Variants in NFIA observed in about 807,000 individuals in gnomAD.
The protein encoded by NFIA is nuclear factor I A.
Under a neutral mutation model 62.8 loss-of-function variants are expected in NFIA, and 8 were observed. The ratio of observed to expected loss-of-function variants is 0.13; its 90% CI spans 0.07 to 0.23. The LOEUF (loss-of-function observed/expected upper bound fraction) is 0.23, where lower values mean the gene tolerates loss of function less well. NFIA is among the 10% of genes least tolerant of loss of function. The pLI is 1.00. For synonymous variants in NFIA, 235 were observed against 238.1 expected (o/e 0.99, Z 0.12); for missense variants, 410 against 642.1 (o/e 0.64, Z 3.91).
At chr1:61,359,890 C>G (rs1663190241) in intron 6 of NFIA, among the ~76,000 whole-genome samples, 1 of 152,146 alleles carries the variant, frequency 6.6e-6, no homozygotes, top group South Asian at 2.1e-4. Flanking sequence ...CTCGGCCTCC[C>G]AATTGTTTTT....
chr1:61,341,347 G>C (rs530519732), intron 4 of NFIA, among the ~76,000 whole-genome samples: 1 of 151,944 alleles, frequency 6.6e-6, no homozygotes, highest in African/African-American at 2.4e-5. Context: ...CACTGCACCT[G>C]GCCCATGTAC....
Position 61,082,701 on chromosome 1 carries a change from T to C in NFIA, c.-91T>C. 1 of 1,543,652 alleles carries C rather than the reference T, an allele frequency of 6.5e-7. No individual in the cohort carries two copies. The highest frequency in any genetic ancestry group is 2.5e-5 in the East Asian group (1 of 40,342). ...CTCTCTCTCTCTCTCTCTCTCTTCCTCTCTCCCTCTTTCTCCTCTCTCACC... is the reference window on the plus strand; with the variant it reads ...CTCTCTCTCTCTCTCTCTCTCTTCCCCTCTCCCTCTTTCTCCTCTCTCACC... On this transcript the variant is annotated 5_prime_UTR_variant, in exon 1 of 11. Coordinates refer to ENST00000403491, the MANE Select transcript of NFIA (RefSeq NM_001134673.4).
chr1:61,401,806 C>G (rs932797023), intron 7 of NFIA, among the ~76,000 whole-genome samples: 3 of 152,136 alleles, frequency 2.0e-5, no homozygotes, highest in African/African-American at 4.8e-5. Flanking sequence ...AGTGACTATT[C>G]CATCAGACGC....
intron 4 of NFIA, 145 bp from the exon 5 acceptor site, chr1:61,352,305 G>T: frequency 1.7e-6 from 1 of 598,592 alleles, no homozygotes; most frequent in Non-Finnish European, 2.9e-6. Context: ...TATTCCTTTG[G>T]AGTCATAGTT....
chr1:61,152,897 G>A (rs1399583409), intron 2 of NFIA, among the ~76,000 whole-genome samples: 1 of 152,144 alleles, frequency 6.6e-6, no homozygotes. Flanking sequence ...AGAGGGCAGG[G>A]AGTTAAATCA....
chr1:61,414,455 C>T (rs527926536), intron 9 of NFIA, among the ~76,000 whole-genome samples: 1 of 152,252 alleles, frequency 6.6e-6, no homozygotes, highest in Admixed American at 6.5e-5. Context: ...TCCAATTCAC[C>T]TTCAACCTAG....
chr1:61,205,135 G>A (rs1040282399), intron 2 of NFIA, among the ~76,000 whole-genome samples: 4 of 152,146 alleles, frequency 2.6e-5, no homozygotes, highest in Admixed American at 1.3e-4. Flanking sequence ...TACAAATGAG[G>A]AAACTGAAGC....
intron 2 of NFIA, among the ~76,000 whole-genome samples, chr1:61,249,658 A>ACT (rs1347045600): frequency 6.6e-6 from 1 of 152,088 alleles, no homozygotes; most frequent in Admixed American, 6.6e-5. Flanking sequence ...TACAAAAATT[A>ACT]GCTGGGCGCG....
At chr1:61,080,127 A>G (rs1345467721), upstream of NFIA, among the ~76,000 whole-genome samples, 1 of 152,192 alleles carries the variant, frequency 6.6e-6, no homozygotes, top group East Asian at 1.9e-4. Flanking sequence ...TAGAGGGCGC[A>G]AACAATCGTC....
intron 10 of NFIA, among the ~76,000 whole-genome samples, chr1:61,432,286 T>C (rs1667129781): frequency 6.6e-6 from 1 of 151,620 alleles, no homozygotes; most frequent in African/African-American, 2.4e-5. Flanking sequence ...AAGAGACATG[T>C]TCAGTTCTGT....
chr1:61,083,737 C>A (rs1268526405), intron 1 of NFIA, among the ~76,000 whole-genome samples: 2 of 151,344 alleles, frequency 1.3e-5, no homozygotes, highest in Admixed American at 1.3e-4. Context: ...GAGCGGCGGC[C>A]CGGGCCGGAC....
intron 2 of NFIA, among the ~76,000 whole-genome samples, chr1:61,118,270 A>G (rs1340977742): frequency 1.3e-5 from 2 of 152,214 alleles, no homozygotes; most frequent in Non-Finnish European, 2.9e-5. Flanking sequence ...CAGAATCAGC[A>G]TGATCACTTC....
rs377482244 is a variant in NFIA at position 61,263,477 on chromosome 1, C to G, written c.560-14043C>G. Among the ~76,000 whole-genome samples, 7 of 152,314 alleles carry G rather than the reference C, an allele frequency of 4.6e-5. No homozygotes were observed. The East Asian group carries it at 1.3e-3, about 29-fold the overall frequency. On this transcript the variant is annotated intron_variant, in intron 2 of 10. Transcript: ENST00000403491. ...GTGTTTTACACACAGGCGCCCCAGCCTTCCTATAGGCTCTTTCTTGTGAAT... is the reference window on the plus strand; with the variant it reads ...GTGTTTTACACACAGGCGCCCCAGCGTTCCTATAGGCTCTTTCTTGTGAAT...
chr1:61,125,377 C>T (rs886899888), intron 2 of NFIA, among the ~76,000 whole-genome samples: 3 of 152,170 alleles, frequency 2.0e-5, no homozygotes, highest in Non-Finnish European at 2.9e-5. Context: ...TTGCCTTTTC[C>T]ATTTAGACCT....
At chr1:61,334,860 T>G (rs1452895356) in intron 4 of NFIA, among the ~76,000 whole-genome samples, 1 of 151,888 alleles carries the variant, frequency 6.6e-6, no homozygotes, top group African/African-American at 2.4e-5. Context: ...CAGCCTCTCC[T>G]CCTCCTTCCA....
intron 6 of NFIA, among the ~76,000 whole-genome samples, chr1:61,380,392 G>A (rs1664357237): frequency 6.6e-6 from 1 of 152,080 alleles, no homozygotes; most frequent in Admixed American, 6.6e-5. Flanking sequence ...TTGAAAGAAA[G>A]CCAATCAGTC....
At chr1:61,170,256 A>G (rs1649863114) in intron 2 of NFIA, among the ~76,000 whole-genome samples, 1 of 152,144 alleles carries the variant, frequency 6.6e-6, no homozygotes, top group Non-Finnish European at 1.5e-5. Flanking sequence ...AATGAATCTC[A>G]CACCTGTCTC....
intron 2 of NFIA, chr1:61,249,128 T>G (rs1319208476): frequency 6.6e-6 from 1 of 152,194 alleles, no homozygotes; most frequent in Admixed American, 6.5e-5. Flanking sequence ...CATAAAACAA[T>G]ACATTTTTAT....
At chr1:61,346,964 C>T (rs758099473) in intron 4 of NFIA, among the ~76,000 whole-genome samples, 44 of 152,106 alleles carry the variant, frequency 2.9e-4, no homozygotes, top group Non-Finnish European at 6.0e-4. Context: ...AACTTACTCA[C>T]TATCACGAGA....
Sources: gnomAD v4.1 joint callset for allele counts (sites outside exome capture counted in the v4.1 genomes callset) on GRCh38, gnomAD v4.1.1 for gene constraint, MANE v1.5 for transcripts, NCBI Gene and HGNC (gene_info 2026-07-23, HGNC 2026-07-21) for gene names.